The following SH3GL3 variants were observed in gnomAD, a reference collection of about 807,000 sequenced individuals.
SH3GL3 encodes endophilin-A3.
A neutral mutation model predicts 47.7 loss-of-function variants in SH3GL3; 33 were observed. That is an observed-to-expected ratio of 0.69 (90% CI 0.52 to 0.92). The LOEUF is 0.92. Among genes scored for constraint, SH3GL3 ranks in the 40% least tolerant of loss-of-function variants. The pLI is 0.00. For synonymous variants in SH3GL3, 155 were observed against 148.8 expected (o/e 1.04, Z -0.30); for missense variants, 363 against 417.8 (o/e 0.87, Z 1.14).
chr15:83,625,986 C>T, the SH3GL3 span, among the ~76,000 whole-genome samples: 1 of 152,140 alleles, frequency 6.6e-6, no homozygotes, highest in Non-Finnish European at 1.5e-5. Flanking sequence ...GCACCCACCA[C>T]CACACCCAGC....
the SH3GL3 span, among the ~76,000 whole-genome samples, chr15:83,628,944 G>GAACAATTATTA: frequency 1.3e-5 from 2 of 151,952 alleles, no homozygotes; most frequent in African/African-American, 4.8e-5. Context: ...TATGTACCAG[G>GAACAATTATTA]AACAATTATT....
At chr15:83,552,239 G>T (rs1440218209) in intron 1 of SH3GL3, among the ~76,000 whole-genome samples, 2 of 152,200 alleles carry the variant, frequency 1.3e-5, no homozygotes, top group African/African-American at 4.8e-5. Flanking sequence ...GAATGACGTG[G>T]TGTCAGTTTG....
downstream of SH3GL3, among the ~76,000 whole-genome samples, chr15:83,621,321 G>A (rs2060915032): frequency 6.6e-6 from 1 of 152,182 alleles, no homozygotes; most frequent in African/African-American, 2.4e-5. Flanking sequence ...CTGATTTAAA[G>A]TGAGAGACCT....
intron 6 of SH3GL3, among the ~76,000 whole-genome samples, chr15:83,580,026 A>G (rs1450507985): frequency 6.6e-6 from 1 of 152,222 alleles, no homozygotes; most frequent in Non-Finnish European, 1.5e-5. Context: ...AAATGCCAAT[A>G]CATGGTTGAT....
chr15:83,505,918 A>T (rs1171733768), intron 1 of SH3GL3, among the ~76,000 whole-genome samples: 1 of 152,188 alleles, frequency 6.6e-6, no homozygotes, highest in Non-Finnish European at 1.5e-5. Flanking sequence ...GCAGTTCTTT[A>T]CATATTCTGG....
chr15:83,470,932 C>G (rs1415809212), intron 1 of SH3GL3, among the ~76,000 whole-genome samples: 5 of 152,050 alleles, frequency 3.3e-5, no homozygotes, highest in Non-Finnish European at 7.4e-5. Flanking sequence ...CATTGGCCTT[C>G]CCTATTTATA....
chr15:83,586,997 C>T lies in SH3GL3; in HGVS notation c.639C>T (p.Ser213=). 6.2e-7 allele frequency: 1 copy of T among 1,602,820 alleles called. No homozygotes were observed. The highest frequency in any genetic ancestry group is 1.3e-5 in the African/African-American group (1 of 74,494). The part of the protein sequence containing the change: ...NFLENDVEQV[S]QLAVFIEAAL... The stretch of plus-strand genomic sequence containing the variant: ...TTCTGCTGCAGGTAGAACAAGTCAG[C>T]CAGTTGGCTGTGTTCATAGAGGCAG... The change falls in exon 7 of 9, where the codon AGC becomes AGT. Residue 213 remains serine (S), a synonymous_variant. Transcript: ENST00000427482.
At chr15:83,535,964 T>G (rs2043882447) in intron 1 of SH3GL3, among the ~76,000 whole-genome samples, 1 of 152,164 alleles carries the variant, frequency 6.6e-6, no homozygotes, top group Admixed American at 6.5e-5. Flanking sequence ...CTTGGAGAAG[T>G]TCTGCCTGAT....
chr15:83,566,203 A>G (rs2045527227), intron 3 of SH3GL3, among the ~76,000 whole-genome samples: 1 of 152,196 alleles, frequency 6.6e-6, no homozygotes, highest in South Asian at 2.1e-4. Context: ...GTGTTGGCCA[A>G]CAATAAAAGT....
intron 1 of SH3GL3, among the ~76,000 whole-genome samples, chr15:83,531,969 CTT>C (rs1285290356): frequency 6.6e-6 from 1 of 152,062 alleles, no homozygotes; most frequent in Non-Finnish European, 1.5e-5. Context: ...TTGAATCTGT[CTT>C]TTTTTCTGAA....
chr15:83,521,967 T>C (rs752008095), intron 1 of SH3GL3, among the ~76,000 whole-genome samples: 14 of 152,146 alleles, frequency 9.2e-5, no homozygotes, highest in Admixed American at 2.0e-4. Flanking sequence ...TCGCCACTTT[T>C]CCTATTGCTG....
At chr15:83,612,825 A>G (rs2060704525) in intron 8 of SH3GL3, among the ~76,000 whole-genome samples, 1 of 152,186 alleles carries the variant, frequency 6.6e-6, no homozygotes, top group South Asian at 2.1e-4. Flanking sequence ...GAGTTCTTCA[A>G]GCTCTAGTTC....
At chr15:83,629,530 G>C in the SH3GL3 span, among the ~76,000 whole-genome samples, 2 of 152,084 alleles carry the variant, frequency 1.3e-5, no homozygotes, top group Non-Finnish European at 2.9e-5. Context: ...ATTTCAAAAC[G>C]TATCATAGCC....
intron 2 of SH3GL3, 136 bp from the exon 3 acceptor site, chr15:83,564,998 G>C (rs2045465972): frequency 2.0e-6 from 1 of 488,764 alleles, no homozygotes; most frequent in Non-Finnish European, 3.6e-6. Flanking sequence ...CAAAAATGTT[G>C]AAAACGTTCA....
At chr15:83,632,243 G>A in the SH3GL3 span, among the ~76,000 whole-genome samples, 2 of 152,162 alleles carry the variant, frequency 1.3e-5, no homozygotes, top group Admixed American at 6.5e-5. Context: ...ACATTTTCCT[G>A]TCATCTTCTG....
chr15:83,480,932 T>C (rs1415795477), intron 1 of SH3GL3, among the ~76,000 whole-genome samples: 1 of 152,140 alleles, frequency 6.6e-6, no homozygotes, highest in Non-Finnish European at 1.5e-5. Flanking sequence ...TGTACATTTA[T>C]TGGTGCCTGC....
At chr15:83,580,558 G>A (rs1402455654) in intron 6 of SH3GL3, among the ~76,000 whole-genome samples, 2 of 152,242 alleles carry the variant, frequency 1.3e-5, no homozygotes, top group South Asian at 2.1e-4. Context: ...AATGGAGGAA[G>A]TGACAAAAAA....
chr15:83,597,633 G>C (rs1391433273), intron 8 of SH3GL3, among the ~76,000 whole-genome samples: 1 of 150,094 alleles, frequency 6.7e-6, no homozygotes, highest in East Asian at 1.9e-4. Context: ...TTTTGAGATG[G>C]AGTTTCGCTC....
At chr15:83,510,380 TTC>T (rs2042697553) in intron 1 of SH3GL3, among the ~76,000 whole-genome samples, 1 of 152,202 alleles carries the variant, frequency 6.6e-6, no homozygotes, top group South Asian at 2.1e-4. Context: ...TATTACATAT[TTC>T]GGGGGAAAAA....
Sources: allele counts gnomAD v4.1 joint callset (sites outside exome capture counted in the v4.1 genomes callset), GRCh38; gene constraint gnomAD v4.1.1; transcripts MANE v1.5; gene names NCBI Gene and HGNC (gene_info 2026-07-23, HGNC 2026-07-21).